TMEM245: variants seen among roughly 807,000 people sequenced by gnomAD.
TMEM245 encodes protein CG-2.
Under a neutral mutation model 101.2 loss-of-function variants are expected in TMEM245, and 69 were observed. That is an observed-to-expected ratio of 0.68 (90% CI 0.56 to 0.83). The LOEUF is 0.83. Ranked by LOEUF, TMEM245 falls within the 40% of genes least tolerant of loss-of-function variation. TMEM245 has a pLI of 0.00. For missense variants in TMEM245, 1,075 were observed against 1,092.8 expected, an observed-to-expected ratio of 0.98 and a Z score of 0.23; for synonymous variants, 537 against 449.8, an observed-to-expected ratio of 1.19 and a Z score of -2.45.
At chr9:109,037,389 G>A (rs1043137235) in intron 15 of TMEM245, among the ~76,000 whole-genome samples, 15 of 152,156 alleles carry the variant, frequency 9.9e-5, no homozygotes, top group Non-Finnish European at 1.6e-4. Flanking sequence ...AACATGTAGG[G>A]CAACTGATAC....
At chr9:109,098,454 A>C (rs890276172) in intron 3 of TMEM245, among the ~76,000 whole-genome samples, 1 of 152,172 alleles carries the variant, frequency 6.6e-6, no homozygotes, top group African/African-American at 2.4e-5. Flanking sequence ...AGATTTGGCA[A>C]ACTGCTTTTA....
chr9:109,053,820 C>A (rs1424297946), intron 12 of TMEM245, among the ~76,000 whole-genome samples: 1 of 152,206 alleles, frequency 6.6e-6, no homozygotes, highest in African/African-American at 2.4e-5. Context: ...GAGGACATTG[C>A]AGGAATGCAG....
At chr9:109,037,895 T>G in intron 15 of TMEM245, 122 bp downstream of exon 15, 1 of 663,370 alleles carries the variant, frequency 1.5e-6, no homozygotes, top group East Asian at 2.7e-5. Context: ...TGGACTAGAT[T>G]CGATCTCAAG....
At chr9:109,074,386 C>T (rs571879649) in intron 8 of TMEM245, among the ~76,000 whole-genome samples, 4 of 152,230 alleles carry the variant, frequency 2.6e-5, no homozygotes, top group South Asian at 2.1e-4. Flanking sequence ...AACAGAGAGG[C>T]GTAACAGCTC....
At position 109,050,298 on chromosome 9, in the gene TMEM245, A is replaced by G. The variant is rs1828634561; in HGVS notation, c.2108T>C (p.Val703Ala). ...GPSSNIIGQS[V>A]EEAIRGVFDA... Reference sequence around the variant, plus strand: ...TTATCCCTACCTGATAGCTTCTTCCACAGACTGGCCAATAATATTAGAAGA... The same window carrying G: ...TTATCCCTACCTGATAGCTTCTTCCGCAGACTGGCCAATAATATTAGAAGA... The change falls in exon 14 of 18, where the codon GTG becomes GCG. Residue 703 changes from valine to alanine, a missense_variant. By Grantham distance (64) the Val-to-Ala change is moderately conservative. Coordinates refer to ENST00000374586, the MANE Select transcript of TMEM245 (RefSeq NM_032012.4). The G allele has an allele frequency of 6.2e-7, 1 of 1,614,000 alleles. No individual in the cohort carries two copies. Among genetic ancestry groups the G allele is most frequent in the Admixed American group, 1.7e-5 (1 of 59,992 alleles).
At chr9:109,096,461 G>T (rs1334684031) in intron 3 of TMEM245, among the ~76,000 whole-genome samples, 8 of 152,260 alleles carry the variant, frequency 5.3e-5, no homozygotes, top group Admixed American at 2.0e-4. Context: ...ATGCCAATAA[G>T]CCAAGATCAC....
In TMEM245 at chr9:109,050,265, C is replaced by T. The variant is rs1182934814; in HGVS notation, c.2123+18G>A. On this transcript the variant is annotated intron_variant, in intron 14 of 17. Transcript: ENST00000374586. ...AAAGTTCTGGGAGAAATAAGAATAG[C>T]ATAAACCTTATCCCTACCTGATAGC... The T allele has an allele frequency of 5.6e-6, 9 of 1,613,210 alleles. No homozygotes were observed. Among genetic ancestry groups the T allele is most frequent in the Admixed American group, 3.3e-5 (2 of 59,808 alleles).
chr9:109,114,677 T>C (rs2132673298), intron 1 of TMEM245, among the ~76,000 whole-genome samples: 1 of 152,242 alleles, frequency 6.6e-6, no homozygotes, highest in South Asian at 2.1e-4. Context: ...AACTAAATGG[T>C]CTTCAAATTC....
intron 3 of TMEM245, among the ~76,000 whole-genome samples, chr9:109,099,504 C>T (rs1830227807): frequency 1.3e-5 from 2 of 152,126 alleles, no homozygotes; most frequent in South Asian, 4.1e-4. Flanking sequence ...GGTATCCAGG[C>T]TATTATAGAT....
rs1178770612 is a variant in TMEM245 at position 109,119,383 on chromosome 9, G to A, written c.531C>T (p.His177=). Residue 177 remains histidine (H), a synonymous_variant, in exon 1 of 18, where the codon CAC becomes CAT. Transcript: ENST00000374586. ...GCCCGCGGCAGATGAGCGTGGCAGC[G>A]TGCACCAGCAGCACCTGCACGCCCA... ...SYLGVQVLLV[H]AATLICRGLD... 6.5e-6 allele frequency: 10 copies of A among 1,529,332 alleles called. No individual in the cohort carries two copies. Among genetic ancestry groups the A allele is most frequent in the Admixed American group, 2.0e-5 (1 of 50,370 alleles). 94.7% of individuals were successfully genotyped at this position (1,529,332 alleles called of 1,614,324 possible). A position where few individuals can be genotyped will look rare whatever the true frequency, so the allele number is the denominator to read the frequency against.
intron 10 of TMEM245, among the ~76,000 whole-genome samples, chr9:109,062,274 G>A (rs1425016262): frequency 6.6e-6 from 1 of 152,148 alleles, no homozygotes; most frequent in African/African-American, 2.4e-5. Context: ...TGGGATTACA[G>A]GCATGAGCCA....
chr9:109,022,546 T>C (rs1310940770), intron 17 of TMEM245, among the ~76,000 whole-genome samples: 2 of 152,078 alleles, frequency 1.3e-5, no homozygotes, highest in East Asian at 3.9e-4. Context: ...TTTTCTGCAT[T>C]ATAAGATGTT....
chr9:109,078,484 T>C (rs1213167084), intron 8 of TMEM245, among the ~76,000 whole-genome samples: 1 of 152,232 alleles, frequency 6.6e-6, no homozygotes, highest in African/African-American at 2.4e-5. Flanking sequence ...TGTTTTCATT[T>C]TGCCTTTACT....
Position 109,093,492 on chromosome 9 carries a change from G to C in TMEM245, c.899C>G (p.Pro300Arg). 1.2e-6 allele frequency: 2 copies of C among 1,613,718 alleles called. No individual in the cohort carries two copies. Among genetic ancestry groups the C allele is most frequent in the South Asian group, 2.2e-5 (2 of 90,974 alleles). The change falls in exon 4 of 18, where the codon CCC becomes CGC. Residue 300 changes from proline to arginine, a missense_variant. Physicochemically the swap from Pro to Arg is moderately radical, Grantham distance 103 (BLOSUM62 -2). Transcript: ENST00000374586. ...TGYESSSEDQ[P>R]STQPAEAVDR... ...TCAGTCACCTGCAGGCTGAGTGGAG[G>C]GCTGGTCTTCACTGCTTGATTCATA...
chr9:109,118,893 C>T (rs1007570479), intron 1 of TMEM245, among the ~76,000 whole-genome samples: 3 of 152,178 alleles, frequency 2.0e-5, no homozygotes, highest in Non-Finnish European at 2.9e-5. Flanking sequence ...GGTCACCTTT[C>T]CTATCTGCAG....
chr9:109,096,376 C>T (rs1002165508), intron 3 of TMEM245, among the ~76,000 whole-genome samples: 1 of 152,168 alleles, frequency 6.6e-6, no homozygotes, highest in Admixed American at 6.5e-5. Context: ...ACTCAAGAGG[C>T]TGAGGCAGGA....
intron 1 of TMEM245, among the ~76,000 whole-genome samples, chr9:109,111,128 A>T (rs1296101315): frequency 1.3e-5 from 2 of 152,210 alleles, no homozygotes; most frequent in Non-Finnish European, 2.9e-5. Flanking sequence ...TTTTGTAGCT[A>T]TCTTCAAATA....
chr9:109,084,375 A>C (rs1321075797), intron 7 of TMEM245, among the ~76,000 whole-genome samples: 3 of 152,236 alleles, frequency 2.0e-5, no homozygotes, highest in African/African-American at 7.2e-5. Context: ...GTTATATGGA[A>C]TCATCAAAGG....
chr9:109,030,405 G>A (rs538144927), intron 17 of TMEM245, among the ~76,000 whole-genome samples: 2 of 152,328 alleles, frequency 1.3e-5, no homozygotes, highest in Middle Eastern at 3.4e-3. Context: ...AGGACAAAGA[G>A]TTAAAAAGGT....
Sources: gnomAD v4.1 joint callset for allele counts (sites outside exome capture counted in the v4.1 genomes callset) on GRCh38, gnomAD v4.1.1 for gene constraint, MANE v1.5 for transcripts, NCBI Gene and HGNC (gene_info 2026-07-23, HGNC 2026-07-21) for gene names.